The following DDHD1 variants were observed in gnomAD, a reference collection of about 807,000 sequenced individuals.
DDHD1 encodes DDHD domain containing 1, also known as phospholipase DDHD1.
A neutral mutation model predicts 96.4 loss-of-function variants in DDHD1; 49 were observed. The ratio of observed to expected loss-of-function variants is 0.51; its 90% CI spans 0.40 to 0.64. The LOEUF (loss-of-function observed/expected upper bound fraction) is 0.64, where lower values mean the gene tolerates loss of function less well. DDHD1 is among the 30% of genes least tolerant of loss of function. The pLI is 0.00. For synonymous variants in DDHD1, 442 were observed against 446.5 expected, an observed-to-expected ratio of 0.99 and a Z score of 0.13; for missense variants, 1,106 against 1,161.2, an observed-to-expected ratio of 0.95 and a Z score of 0.69.
intron 6 of DDHD1, among the ~76,000 whole-genome samples, chr14:53,071,604 T>G (rs1442891074): frequency 6.6e-6 from 1 of 152,120 alleles, no homozygotes; most frequent in African/African-American, 2.4e-5. Context: ...TATGTATATA[T>G]TATCAAATCT....
intron 1 of DDHD1, among the ~76,000 whole-genome samples, chr14:53,128,141 G>A (rs1333689149): frequency 1.3e-5 from 2 of 152,136 alleles, no homozygotes; most frequent in African/African-American, 2.4e-5. Context: ...CACCATGATT[G>A]TAAGTTTCCT....
rs1231979921 is a variant in DDHD1 at position 53,058,512 on chromosome 14, G to A, written c.1957C>T (p.Arg653Trp). ...GTAGGATGAAAAATATTTAGTAACC[G>A]GTTACAAATCTCTCTAGGCAAAATA... ...DHILPREICNRLLNIFHPTDP... is the reference protein window; with the variant it reads ...DHILPREICNWLLNIFHPTDP... The change falls in exon 9 of 13, where the codon CGG (arginine) becomes TGG (tryptophan). Residue 653 changes from arginine (R) to tryptophan (W), a missense_variant. Arg to Trp is a moderately radical substitution (Grantham distance 101, BLOSUM62 -3). Coordinates refer to ENST00000673822, the MANE Select transcript of DDHD1 (RefSeq NM_001160148.2). 6 of 1,612,824 alleles carry A rather than the reference G, an allele frequency of 3.7e-6. No individual in the cohort carries two copies. The highest frequency in any genetic ancestry group is 2.7e-5 in the African/African-American group (2 of 74,850).
At position 53,043,063 on chromosome 14, in the gene DDHD1, C is replaced by CTA. The variant is rs1332533465; in HGVS notation, c.*3703_*3704dup. 6.6e-6 allele frequency: 1 copy of CTA among 152,128 alleles called. No individual in the cohort carries two copies. Among genetic ancestry groups the CTA allele is most frequent in the African/African-American group, 2.4e-5 (1 of 41,412 alleles). 9.4% of individuals were successfully genotyped at this position (152,128 alleles called of 1,614,324 possible). ...GACTCCACTGGAAGGGGCTCATGTA[C>CTA]TATCACTGGAATGAACAGAGGCACT... On this transcript the variant is annotated 3_prime_UTR_variant, in exon 13 of 13. Transcript: ENST00000673822.
chr14:53,068,692 A>C (rs775854284), intron 6 of DDHD1, among the ~76,000 whole-genome samples: 1 of 152,204 alleles, frequency 6.6e-6, no homozygotes, highest in African/African-American at 2.4e-5. Context: ...CCAGAGGTGC[A>C]TAATGTCCAT....
intron 1 of DDHD1, among the ~76,000 whole-genome samples, chr14:53,117,928 C>T (rs1247208717): frequency 3.3e-5 from 5 of 152,076 alleles, no homozygotes; most frequent in African/African-American, 4.8e-5. Flanking sequence ...CTCAAACAGG[C>T]GGGTGCCCCT....
At chr14:53,090,355 C>T (rs866135077) in intron 4 of DDHD1, among the ~76,000 whole-genome samples, 3 of 152,272 alleles carry the variant, frequency 2.0e-5, no homozygotes, top group Admixed American at 6.5e-5. Flanking sequence ...ACCATTTGAT[C>T]CAGCCATTCC....
rs541092631 is a variant in DDHD1 at position 53,129,164 on chromosome 14, C to G, written c.838+23097G>C. On this transcript the variant is annotated intron_variant, in intron 1 of 12. Transcript: ENST00000673822. ...TGTTGGTGGACTCTCTTCAAATGGACGTGCATGACATTTGGTGCCGAAGAC... is the reference window on the plus strand; with the variant it reads ...TGTTGGTGGACTCTCTTCAAATGGAGGTGCATGACATTTGGTGCCGAAGAC... Among the ~76,000 whole-genome samples, 3 of 152,296 alleles carry G rather than the reference C, an allele frequency of 2.0e-5. No homozygotes were observed. The East Asian group carries it at 5.8e-4, about 29-fold the overall frequency.
At chr14:53,082,442 CTTTTTTT>C (rs35059788) in intron 4 of DDHD1, among the ~76,000 whole-genome samples, 2 of 121,920 alleles carry the variant, frequency 1.6e-5, no homozygotes, top group Non-Finnish European at 3.3e-5. Flanking sequence ...TCCAAGATAC[CTTTTTTT>C]TTTTTTTTTT....
chr14:53,093,559 G>A (rs889750777), intron 2 of DDHD1, 115 bp from the exon 3 acceptor site: 9 of 1,347,904 alleles, frequency 6.7e-6, no homozygotes, highest in Middle Eastern at 2.5e-4. Context: ...CTCAGATATG[G>A]AACTTAATTC....
intron 1 of DDHD1, among the ~76,000 whole-genome samples, chr14:53,106,460 A>G (rs1443460023): frequency 6.6e-6 from 1 of 152,112 alleles, no homozygotes; most frequent in East Asian, 1.9e-4. Context: ...GGAGTTCAAG[A>G]CCAGCCTAGC....
At chr14:53,152,127 C>CGGAGCGTG in intron 1 of DDHD1, 134 bp downstream of exon 1, 3 of 899,002 alleles carry the variant, frequency 3.3e-6, no homozygotes, top group East Asian at 2.9e-5. Flanking sequence ...CCTGCTCAAT[C>CGGAGCGTG]TCCATCCTGC....
In DDHD1 at chr14:53,043,925, C is replaced by G. The variant is rs1026013489; in HGVS notation, c.*2843G>C. ...GGGAAGCTAACTAAAGTTCAGTGATCTAATCAGTACTTGGGAGAATCATCA... is the reference window on the plus strand; with the variant it reads ...GGGAAGCTAACTAAAGTTCAGTGATGTAATCAGTACTTGGGAGAATCATCA... On this transcript the variant is annotated 3_prime_UTR_variant, in exon 13 of 13. Transcript: ENST00000673822. 2 of 152,154 alleles carry G rather than the reference C, an allele frequency of 1.3e-5. No homozygotes were observed. Among genetic ancestry groups the G allele is most frequent in the Non-Finnish European group, 2.9e-5 (2 of 68,026 alleles). The allele number at this position is 152,154 out of a possible 1,614,324, so 9.4% of individuals were successfully genotyped here. A position where few individuals can be genotyped will look rare whatever the true frequency, so the allele number is the denominator to read the frequency against.
intron 4 of DDHD1, among the ~76,000 whole-genome samples, chr14:53,088,887 A>G (rs1282190499): frequency 6.6e-6 from 1 of 152,292 alleles, no homozygotes; most frequent in Admixed American, 6.5e-5. Flanking sequence ...AATCGTCCCT[A>G]CTTGCAGATG....
chr14:53,080,248 C>T (rs1885344267), intron 4 of DDHD1, among the ~76,000 whole-genome samples: 2 of 152,112 alleles, frequency 1.3e-5, no homozygotes, highest in Admixed American at 1.3e-4. Flanking sequence ...GTAGTCCCAG[C>T]TATTTGGGAG....
intron 1 of DDHD1, among the ~76,000 whole-genome samples, chr14:53,133,385 T>TC (rs1180795173): frequency 1.3e-5 from 2 of 152,192 alleles, no homozygotes; most frequent in Non-Finnish European, 2.9e-5. Context: ...ACATACTTCC[T>TC]CGGTTTGGCC....
Position 53,124,191 on chromosome 14 carries a change from C to T in DDHD1, c.839-20335G>A, listed in dbSNP as rs1010214937. ...CAGAGGTTACAGTGAGCCGAGATCA[C>T]GCCAGTGCACTCCAGCCTGGGCGAC... On this transcript the variant is annotated intron_variant, in intron 1 of 12. Coordinates refer to ENST00000673822, the MANE Select transcript of DDHD1 (RefSeq NM_001160148.2). Among the ~76,000 whole-genome samples the T allele has an allele frequency of 1.1e-4, 16 of 150,894 alleles. No individual in the cohort carries two copies. The East Asian group carries it at 2.3e-3, about 22-fold the overall frequency.
At chr14:53,082,705 G>C (rs1025433139) in intron 4 of DDHD1, among the ~76,000 whole-genome samples, 1 of 149,488 alleles carries the variant, frequency 6.7e-6, no homozygotes, top group Non-Finnish European at 1.5e-5. Context: ...GCTGCAGTGA[G>C]CCAAGATCAT....
intron 4 of DDHD1, among the ~76,000 whole-genome samples, chr14:53,089,168 C>T (rs144603634): frequency 0.031 from 4,703 of 152,116 alleles, 242 homozygotes; most frequent in African/African-American, 0.1. Context: ...TAAAAGAGGA[C>T]ACAAACAAAT....
rs561534404 is a variant in DDHD1, at chr14:53,103,863, A to C, written c.839-7T>G. Reference sequence around the variant, plus strand: ...ACTGGTATTTTATCAGCCTCTGAAAAAGAGAAATCACAGAATTATACACAT... The same window carrying C: ...ACTGGTATTTTATCAGCCTCTGAAACAGAGAAATCACAGAATTATACACAT... On this transcript the variant is annotated splice_region_variant and splice_polypyrimidine_tract_variant and intron_variant, in intron 1 of 12. Coordinates refer to ENST00000673822, the MANE Select transcript of DDHD1 (RefSeq NM_001160148.2). 2.5e-6 allele frequency: 4 copies of C among 1,587,818 alleles called. No individual in the cohort carries two copies. The highest frequency in any genetic ancestry group is 3.4e-6 in the Non-Finnish European group (4 of 1,171,148).
Sources: gnomAD v4.1 joint callset for allele counts (sites outside exome capture counted in the v4.1 genomes callset) on GRCh38, gnomAD v4.1.1 for gene constraint, MANE v1.5 for transcripts, NCBI Gene and HGNC (gene_info 2026-07-23, HGNC 2026-07-21) for gene names.